The following FYCO1 variants were observed in gnomAD, a reference collection of about 807,000 sequenced individuals.
FYCO1 encodes FYVE and coiled-coil domain autophagy adaptor 1, also known as FYVE and coiled-coil domain-containing protein 1.
A neutral mutation model predicts 165.1 loss-of-function variants in FYCO1; 122 were observed. That is an observed-to-expected ratio of 0.74 (90% CI 0.64 to 0.86). The LOEUF is 0.86. Ranked by LOEUF, FYCO1 falls within the 40% of genes least tolerant of loss-of-function variation. The probability of loss-of-function intolerance (pLI) is 0.00; values close to 1 mark genes in which losing one functional copy is unlikely to be tolerated. For synonymous variants in FYCO1, 648 were observed against 742.5 expected (o/e 0.87, Z 2.07); for missense variants, 1,702 against 1,810.3 (o/e 0.94, Z 1.09).
rs1157668016 is a variant in FYCO1, at chr3:45,962,739, G to A, written c.3270-347C>T. Among the ~76,000 whole-genome samples, 1 of 152,174 alleles carries A rather than the reference G, an allele frequency of 6.6e-6. No homozygotes were observed. The highest frequency in any genetic ancestry group is 1.5e-5 in the Non-Finnish European group (1 of 68,032). On this transcript the variant is annotated intron_variant, in intron 10 of 17. Coordinates refer to ENST00000296137, the MANE Select transcript of FYCO1 (RefSeq NM_024513.4). This position sits in a 1 kb window ranked among gnomAD's most constrained non-coding sequence, Gnocchi z 4.4. ...GTGATGGGGAGGATGGGCAGGAGGA[G>A]AAAGGAGTCAGGACAGGCAGGACAG...
At chr3:45,991,495 C>T (rs1707560020) in intron 1 of FYCO1, among the ~76,000 whole-genome samples, 1 of 152,192 alleles carries the variant, frequency 6.6e-6, no homozygotes, top group South Asian at 2.1e-4. Flanking sequence ...TTCAGGCATC[C>T]CTGCGATGCC....
At chr3:45,956,068 G>T (rs1423176302) in intron 13 of FYCO1, among the ~76,000 whole-genome samples, 1 of 152,220 alleles carries the variant, frequency 6.6e-6, no homozygotes, top group Admixed American at 6.5e-5. Flanking sequence ...GGGTGCTGTG[G>T]CTCATGCCTA....
At chr3:45,986,767 C>T (rs976125231) in intron 1 of FYCO1, among the ~76,000 whole-genome samples, 2 of 152,174 alleles carry the variant, frequency 1.3e-5, no homozygotes, top group African/African-American at 2.4e-5. Context: ...CCCTGGGTGT[C>T]TCTCCAGGTC....
intron 1 of FYCO1, among the ~76,000 whole-genome samples, chr3:45,990,587 G>A (rs140141600): frequency 8.5e-4 from 130 of 152,214 alleles, no homozygotes; most frequent in African/African-American, 1.4e-3. Context: ...TGTAAACTTC[G>A]TTGCTGTTCA....
At chr3:45,974,206 C>T (rs1706601441) in intron 5 of FYCO1, among the ~76,000 whole-genome samples, 1 of 152,132 alleles carries the variant, frequency 6.6e-6, no homozygotes, top group Non-Finnish European at 1.5e-5. Flanking sequence ...TAGTGAGACC[C>T]TGTCTATATA....
chr3:45,967,225 C>T lies in FYCO1; in HGVS notation c.2109G>A (p.Gln703=), dbSNP rs766375149. The change falls in exon 8 of 18, where the codon CAG becomes CAA. Residue 703 remains glutamine, a synonymous_variant. Transcript: ENST00000296137. ...GCTGCTGACACTCGCCCTCCTTGCT[C>T]TGTAGAATGGCCTCCTTCTCTGCCA... The part of the protein sequence containing the change: ...AQMAEKEAIL[Q]SKEGECQQLR... 4.6e-5 allele frequency: 74 copies of T among 1,613,986 alleles called. No individual in the cohort carries two copies. In the East Asian group the frequency reaches 1.5e-3, roughly 32 times the overall value.
chr3:45,964,418 T>A lies in FYCO1; in HGVS notation c.3187A>T (p.Thr1063Ser). 6.2e-6 allele frequency: 10 copies of A among 1,614,068 alleles called. No individual in the cohort carries two copies. The highest frequency in any genetic ancestry group is 7.6e-6 in the Non-Finnish European group (9 of 1,179,950). The change falls in exon 10 of 18, where the codon ACT becomes TCT. Residue 1063 changes from threonine (T) to serine (S), a missense_variant. Coordinates refer to ENST00000296137, the MANE Select transcript of FYCO1 (RefSeq NM_024513.4). This position sits in a 1 kb window ranked among gnomAD's most constrained non-coding sequence, Gnocchi z 4.1. ...QADMGEKLSC[T>S]SNHLAECQAA... ...TGGCACTCTGCAAGATGGTTGCTAG[T>A]GCAGCTCAGCTTCTCTCCCATGTCT...
rs763624178 is a variant in FYCO1 at position 45,967,956 on chromosome 3, A to G, written c.1378T>C (p.Ser460Pro). The G allele has an allele frequency of 1.4e-5, 22 of 1,614,072 alleles. No individual in the cohort carries two copies. The highest frequency in any genetic ancestry group is 1.8e-5 in the Non-Finnish European group (21 of 1,180,008). ...TGGTCTGCCTCCTGTCCCTTCCCAG[A>G]CAACTCCTCCTGGAGTGGGGCCATC... Reference protein sequence around the residue: ...KEMAPLQEELSGKGQEADQLW... With the variant: ...KEMAPLQEELPGKGQEADQLW... The change falls in exon 8 of 18, where the codon TCT becomes CCT. Residue 460 changes from serine (S) to proline (P), a missense_variant. Coordinates refer to ENST00000296137, the MANE Select transcript of FYCO1 (RefSeq NM_024513.4).
At chr3:45,986,359 C>T (rs1222791155) in intron 1 of FYCO1, among the ~76,000 whole-genome samples, 2 of 152,208 alleles carry the variant, frequency 1.3e-5, no homozygotes, top group African/African-American at 2.4e-5. Flanking sequence ...CACTCTCCCA[C>T]TGCCACCTTG....
At position 45,964,463 on chromosome 3, in the gene FYCO1, G is replaced by C; in HGVS notation, c.3151-9C>G. The C allele has an allele frequency of 5.6e-6, 9 of 1,613,756 alleles. No homozygotes were observed. The highest frequency in any genetic ancestry group is 7.6e-6 in the Non-Finnish European group (9 of 1,179,744). Reference sequence around the variant, plus strand: ...ATGTCTGCTTGGGTGGCCTGGCACAGGACGTCAGGGAGAAGACACTCAGCT... The same window carrying C: ...ATGTCTGCTTGGGTGGCCTGGCACACGACGTCAGGGAGAAGACACTCAGCT... On this transcript the variant is annotated splice_polypyrimidine_tract_variant and intron_variant, in intron 9 of 17. Coordinates refer to ENST00000296137, the MANE Select transcript of FYCO1 (RefSeq NM_024513.4). This position sits in a 1 kb window ranked among gnomAD's most constrained non-coding sequence, Gnocchi z 4.1.
chr3:45,967,881 C>T lies in FYCO1; in HGVS notation c.1453G>A (p.Glu485Lys). ...TCCCGCCTCAACTCTGCTAGCTCCT[C>T]CTCCCAGGAGCTCGTGTGGGCCAGC... ...ELLAHTSSWEEELAELRREKK... is the reference protein window; with the variant it reads ...ELLAHTSSWEKELAELRREKK... Residue 485 changes from glutamate (E) to lysine (K), a missense_variant, in exon 8 of 18, where the codon GAG (glutamate) becomes AAG (lysine). Physicochemically the swap from Glu to Lys is moderately conservative, Grantham distance 56. Transcript: ENST00000296137. 1 of 1,614,150 alleles carries T rather than the reference C, an allele frequency of 6.2e-7. No individual in the cohort carries two copies. Among genetic ancestry groups the T allele is most frequent in the Non-Finnish European group, 8.5e-7 (1 of 1,180,024 alleles).
intron 4 of FYCO1, among the ~76,000 whole-genome samples, chr3:45,977,679 C>T (rs1485682730): frequency 2.0e-5 from 3 of 151,456 alleles, no homozygotes; most frequent in Non-Finnish European, 2.9e-5. Flanking sequence ...AGCCCGATGC[C>T]GAGCTACACC....
chr3:45,956,915 A>G (rs986939850), intron 13 of FYCO1, among the ~76,000 whole-genome samples: 13 of 152,252 alleles, frequency 8.5e-5, no homozygotes, highest in African/African-American at 3.1e-4. Context: ...ATATAGAAAA[A>G]CAAAAAACCT....
rs1705243497 is a variant in FYCO1 at position 45,955,261 on chromosome 3, T to C, written c.3932A>G (p.Asn1311Ser). 1 of 1,613,882 alleles carries C rather than the reference T, an allele frequency of 6.2e-7. No homozygotes were observed. Among genetic ancestry groups the C allele is most frequent in the Non-Finnish European group, 8.5e-7 (1 of 1,180,048 alleles). ...GACCTCTACTCACTGTTCAGCCGCATTTGGGTCGAGAGAATCAGTTTCAGT... is the reference window on the plus strand; with the variant it reads ...GACCTCTACTCACTGTTCAGCCGCACTTGGGTCGAGAGAATCAGTTTCAGT... ...TPTETDSLDP[N>S]AAEQDTTSTS... is the part of the protein sequence containing the mutation. Residue 1311 changes from asparagine to serine, a missense_variant, in exon 14 of 18, where the codon AAT becomes AGT. Transcript: ENST00000296137.
intron 16 of FYCO1, 59 bp downstream of exon 16, chr3:45,931,012 C>T: frequency 6.6e-7 from 1 of 1,522,356 alleles, no homozygotes. Context: ...TTGAGAAAGG[C>T]CTGCCCAAGT....
At chr3:45,949,284 A>G (rs577793539) in intron 14 of FYCO1, among the ~76,000 whole-genome samples, 3 of 152,296 alleles carry the variant, frequency 2.0e-5, no homozygotes, top group African/African-American at 7.2e-5. Flanking sequence ...CAAGGCTGAC[A>G]TTTATCTTTT....
Position 45,947,423 on chromosome 3 carries a change from C to G in FYCO1, c.3944+7826G>C, listed in dbSNP as rs574917364. The G allele has an allele frequency of 3.7e-6, 6 of 1,614,168 alleles. No homozygotes were observed. In the East Asian group the frequency reaches 1.3e-4, roughly 36 times the overall value. ...TTGGTTGCCTCCCTTACCTTGGGGT[C>G]TCACATCAATGGAAATCTTCTGAGG... On this transcript the variant is annotated intron_variant, in intron 14 of 17. Transcript: ENST00000296137.
intron 15 of FYCO1, among the ~76,000 whole-genome samples, chr3:45,933,133 A>G (rs1703711292): frequency 6.6e-6 from 1 of 152,220 alleles, no homozygotes; most frequent in African/African-American, 2.4e-5. Flanking sequence ...AAAACAAATC[A>G]AAGGTTTGCT....
chr3:45,933,364 A>C (rs1350877657), intron 15 of FYCO1, among the ~76,000 whole-genome samples: 1 of 152,200 alleles, frequency 6.6e-6, no homozygotes, highest in East Asian at 1.9e-4. Context: ...AAGAGGCAGA[A>C]AAAAATAACT....
Sources: gnomAD v4.1 joint callset for allele counts (sites outside exome capture counted in the v4.1 genomes callset) on GRCh38, gnomAD v4.1.1 for gene constraint, Gnocchi (gnomAD v3.1) non-coding constraint, MANE v1.5 for transcripts, NCBI Gene and HGNC (gene_info 2026-07-23, HGNC 2026-07-21) for gene names.